The following ST6GALNAC2 variants were observed in gnomAD, a reference collection of about 807,000 sequenced individuals.
The protein encoded by ST6GALNAC2 is ST6 N-acetylgalactosaminide alpha-2,6-sialyltransferase 2, also known as alpha-N-acetylgalactosaminide alpha-2,6-sialyltransferase 2.
A neutral mutation model predicts 38.7 loss-of-function variants in ST6GALNAC2; 42 were observed. The ratio of observed to expected loss-of-function variants is 1.09; its 90% CI spans 0.85 to 1.40. The LOEUF (loss-of-function observed/expected upper bound fraction) is 1.40. Among genes scored for constraint, ST6GALNAC2 ranks in the 40% most tolerant of loss-of-function variants. The pLI, the probability that ST6GALNAC2 is intolerant of heterozygous loss-of-function variation, is 0.00. For synonymous variants in ST6GALNAC2, 233 were observed against 209.0 expected, an observed-to-expected ratio of 1.11 and a Z score of -0.99; for missense variants, 506 against 481.7, an observed-to-expected ratio of 1.05 and a Z score of -0.47.
intron 5 of ST6GALNAC2, among the ~76,000 whole-genome samples, chr17:76,571,424 T>G (rs2075352865): frequency 6.6e-6 from 1 of 152,174 alleles, no homozygotes; most frequent in South Asian, 2.1e-4. Context: ...TGAAACCCCA[T>G]CTCCACTAAA....
chr17:76,578,940 C>T lies in ST6GALNAC2; in HGVS notation c.126-124G>A, dbSNP rs117692336. On this transcript the variant is annotated intron_variant, in intron 1 of 8. Transcript: ENST00000225276. ...AGTCTGTCTGTGCCCATCGTGGTGG[C>T]TCACATCTGTAATCCCAGTGCTTTG... The T allele has an allele frequency of 7.2e-3, 5,217 of 724,648 alleles. 89 individuals carry two copies. Among genetic ancestry groups the T allele is most frequent in the East Asian group, 0.06 (2,137 of 35,532 alleles). The allele number at this position is 724,648 out of a possible 1,614,324, so 44.9% of individuals were successfully genotyped here.
intron 6 of ST6GALNAC2, chr17:76,570,296 G>A (rs1198316397): frequency 2.1e-6 from 1 of 467,728 alleles, no homozygotes; most frequent in African/African-American, 2.0e-5. Flanking sequence ...CCATTCAGAA[G>A]AGCTGCCTCT....
chr17:76,570,746 AC>A, intron 5 of ST6GALNAC2, 78 bp from the exon 6 acceptor site: 2 of 1,129,698 alleles, frequency 1.8e-6, no homozygotes, highest in East Asian at 5.0e-5. Flanking sequence ...CCTCCACCCA[AC>A]CTTGCCCCCT....
rs1358873864 is a variant in ST6GALNAC2 at position 76,565,894 on chromosome 17, T to C, written c.*210A>G. The stretch of plus-strand genomic sequence containing the variant: ...TTTTCCCTTGGCCAAGATTGAGATG[T>C]ATTGTTTTAGATACAGAAGAGTTCT... On this transcript the variant is annotated 3_prime_UTR_variant, in exon 9 of 9. Transcript: ENST00000225276. 2 of 521,882 alleles carry C rather than the reference T, an allele frequency of 3.8e-6. No individual in the cohort carries two copies. The highest frequency in any genetic ancestry group is 6.7e-6 in the Non-Finnish European group (2 of 299,904). The allele number at this position is 521,882 out of a possible 1,614,324, so 32.3% of individuals were successfully genotyped here.
intron 2 of ST6GALNAC2, among the ~76,000 whole-genome samples, chr17:76,575,654 G>T (rs1052264472): frequency 2.0e-5 from 3 of 152,168 alleles, no homozygotes; most frequent in African/African-American, 7.2e-5. Flanking sequence ...CCCCCAGGCT[G>T]TGATCATTTG....
chr17:76,582,021 C>A (rs1395321496), intron 1 of ST6GALNAC2, among the ~76,000 whole-genome samples: 1 of 151,910 alleles, frequency 6.6e-6, no homozygotes, highest in Non-Finnish European at 1.5e-5. Flanking sequence ...GCGCATGCCA[C>A]CATGCCCAGC....
intron 1 of ST6GALNAC2, among the ~76,000 whole-genome samples, chr17:76,579,867 G>T (rs1342763950): frequency 2.0e-5 from 3 of 152,188 alleles, no homozygotes; most frequent in Non-Finnish European, 4.4e-5. Flanking sequence ...AGAACCATAA[G>T]AGGTAACTCT....
chr17:76,574,604 G>C (rs1214796112), intron 2 of ST6GALNAC2, 65 bp from the exon 3 acceptor site: 2 of 1,335,024 alleles, frequency 1.5e-6, no homozygotes, highest in African/African-American at 2.9e-5. Context: ...GGGCCCTGCA[G>C]ACCCTGCAGG....
intron 1 of ST6GALNAC2, among the ~76,000 whole-genome samples, chr17:76,581,414 G>A (rs1027223744): frequency 2.6e-5 from 4 of 152,056 alleles, no homozygotes; most frequent in South Asian, 2.1e-4. Flanking sequence ...TTCTGGGGTC[G>A]GGGGAGGGCA....
chr17:76,567,681 G>A (rs576460414), intron 7 of ST6GALNAC2, 129 bp from the exon 8 acceptor site: 4 of 630,244 alleles, frequency 6.3e-6, no homozygotes, highest in South Asian at 3.7e-5. Flanking sequence ...TTCTTTATTC[G>A]GTCCAAGTGG....
chr17:76,580,568 T>C (rs948420797), intron 1 of ST6GALNAC2, among the ~76,000 whole-genome samples: 4 of 151,654 alleles, frequency 2.6e-5, no homozygotes, highest in African/African-American at 9.7e-5. Context: ...TGGCGGCGGG[T>C]GCCTGTAGTC....
At chr17:76,580,291 G>C (rs1056684725) in intron 1 of ST6GALNAC2, among the ~76,000 whole-genome samples, 1 of 152,132 alleles carries the variant, frequency 6.6e-6, no homozygotes, top group Non-Finnish European at 1.5e-5. Context: ...GTTGGCACAT[G>C]CCTGTAATCC....
Position 76,570,461 on chromosome 17 carries a change from C to T in ST6GALNAC2, c.773+104G>A, listed in dbSNP as rs564229594. 1.4e-5 allele frequency: 10 copies of T among 726,434 alleles called. No homozygotes were observed. In the East Asian group the frequency reaches 1.9e-4, roughly 14 times the overall value. The allele number at this position is 726,434 out of a possible 1,614,324, so 45.0% of individuals were successfully genotyped here. On this transcript the variant is annotated intron_variant, in intron 6 of 8. Coordinates refer to ENST00000225276, the MANE Select transcript of ST6GALNAC2 (RefSeq NM_006456.3). ...AGGGCTGTTCTTACTGCCCTTCACC[C>T]ACCTCCTCTTACCCCATGATGGGCC... is the stretch of plus-strand genomic sequence containing the variant.
chr17:76,573,267 A>G lies in ST6GALNAC2; in HGVS notation c.458T>C (p.Val153Ala). 1.2e-6 allele frequency: 2 copies of G among 1,612,112 alleles called. No individual in the cohort carries two copies. Among genetic ancestry groups the G allele is most frequent in the South Asian group, 2.2e-5 (2 of 90,614 alleles). The change falls in exon 4 of 9, where the codon GTG becomes GCG. Residue 153 changes from valine to alanine, a missense_variant. Val to Ala is a moderately conservative substitution (Grantham distance 64, BLOSUM62 0). Coordinates refer to ENST00000225276, the MANE Select transcript of ST6GALNAC2 (RefSeq NM_006456.3). This position sits in a 1 kb window ranked among gnomAD's most constrained non-coding sequence, Gnocchi z 5.1. ...ATTCAGAATGCCTCCGTTGCCCACC[A>G]CGGCACACCGGATACACTTTGGAGG... ...DTPPKCIRCA[V>A]VGNGGILNGS...
chr17:76,570,743 C>T, intron 5 of ST6GALNAC2, 75 bp from the exon 6 acceptor site: 1 of 1,146,682 alleles, frequency 8.7e-7, no homozygotes, highest in Non-Finnish European at 1.3e-6. Flanking sequence ...AGCCCTCCAC[C>T]CAACCTTGCC....
Position 76,574,358 on chromosome 17 carries a change from G to A in ST6GALNAC2, c.361+7C>T, listed in dbSNP as rs1161048930. 10 of 1,609,846 alleles carry A rather than the reference G, an allele frequency of 6.2e-6. No homozygotes were observed. The highest frequency in any genetic ancestry group is 3.3e-5 in the Admixed American group (2 of 59,724). ...AAGGCAGGTGAGAGACAGCGGGCGC[G>A]GGTTACCTTGGTGAGAGAGCCCCCG... On this transcript the variant is annotated splice_region_variant and intron_variant, in intron 3 of 8. Coordinates refer to ENST00000225276, the MANE Select transcript of ST6GALNAC2 (RefSeq NM_006456.3).
intron 1 of ST6GALNAC2, chr17:76,581,124 A>G (rs373483928): frequency 1.3e-5 from 2 of 152,228 alleles, no homozygotes; most frequent in African/African-American, 4.8e-5. Context: ...AAGGGAACCC[A>G]GGATCTGCCT....
chr17:76,582,338 A>AT (rs71158026), intron 1 of ST6GALNAC2, among the ~76,000 whole-genome samples: 51 of 115,348 alleles, frequency 4.4e-4, no homozygotes, highest in Non-Finnish European at 6.5e-4. Context: ...ATGCCTGGCT[A>AT]TTTTTTTTTT....
At chr17:76,568,817 G>A (rs1184858628) in intron 6 of ST6GALNAC2, 21 bp from the exon 7 acceptor site, 2 of 1,611,976 alleles carry the variant, frequency 1.2e-6, no homozygotes, top group Non-Finnish European at 1.7e-6. Context: ...TGATAGAAGT[G>A]GACAGAGCGC....
Sources: gnomAD v4.1 joint callset for allele counts (sites outside exome capture counted in the v4.1 genomes callset) on GRCh38, gnomAD v4.1.1 for gene constraint, Gnocchi (gnomAD v3.1) non-coding constraint, MANE v1.5 for transcripts, NCBI Gene and HGNC (gene_info 2026-07-23, HGNC 2026-07-21) for gene names.